The following CA10 variants were observed in gnomAD, a reference collection of about 807,000 sequenced individuals.
CA10 encodes carbonic anhydrase-related protein 10.
A neutral mutation model predicts 44.2 loss-of-function variants in CA10; 14 were observed. That is an observed-to-expected ratio of 0.32 (90% confidence interval 0.21 to 0.50). The LOEUF is 0.50. Among genes scored for constraint, CA10 ranks in the 20% least tolerant of loss-of-function variants. The probability of loss-of-function intolerance (pLI) is 0.99; values close to 1 mark genes in which losing one functional copy is unlikely to be tolerated. For synonymous variants in CA10, 159 were observed against 141.6 expected (o/e 1.12, Z -0.87); for missense variants, 350 against 409.7 (o/e 0.85, Z 1.26).
chr17:51,805,594 A>AT (rs372555403), intron 3 of CA10, among the ~76,000 whole-genome samples: 3 of 152,244 alleles, frequency 2.0e-5, no homozygotes, highest in African/African-American at 7.2e-5. Context: ...CCCCAAGAAC[A>AT]TTTTTAAAAA....
intron 2 of CA10, among the ~76,000 whole-genome samples, chr17:52,040,227 AT>A (rs1252547908): frequency 2.0e-5 from 3 of 151,052 alleles, no homozygotes; most frequent in African/African-American, 7.3e-5. Flanking sequence ...GAGGAAAGAC[AT>A]GGGCTCTCAT....
chr17:52,056,381 G>A (rs930156283), intron 2 of CA10, among the ~76,000 whole-genome samples: 4 of 152,030 alleles, frequency 2.6e-5, no homozygotes, highest in African/African-American at 4.8e-5. Flanking sequence ...AAGCGGGTTG[G>A]TGGGGAGAAA....
At chr17:51,937,595 A>T (rs914863909) in intron 2 of CA10, among the ~76,000 whole-genome samples, 1 of 152,118 alleles carries the variant, frequency 6.6e-6, no homozygotes, top group Non-Finnish European at 1.5e-5. Flanking sequence ...TATTTAACCC[A>T]TAATCATTAA....
At chr17:51,665,662 A>G (rs1337583890) in intron 4 of CA10, among the ~76,000 whole-genome samples, 1 of 152,350 alleles carries the variant, frequency 6.6e-6, no homozygotes, top group East Asian at 1.9e-4. Flanking sequence ...CTAGGCTACA[A>G]ATCTGCACAG....
chr17:51,769,394 T>C (rs767696649), intron 3 of CA10, among the ~76,000 whole-genome samples: 10 of 152,170 alleles, frequency 6.6e-5, no homozygotes, highest in Non-Finnish European at 1.3e-4. Context: ...TACACAATTC[T>C]GTACAAAATG....
chr17:51,906,138 T>A (rs1037689131), intron 3 of CA10, among the ~76,000 whole-genome samples: 2 of 152,128 alleles, frequency 1.3e-5, no homozygotes, highest in Admixed American at 1.3e-4. Context: ...TTAAAATATA[T>A]CCTTATTTTG....
At position 51,946,947 on chromosome 17, in the gene CA10, T is replaced by G. The variant is rs1017298263; in HGVS notation, c.137-15815A>C. Among the ~76,000 whole-genome samples, 9 of 152,202 alleles carry G rather than the reference T, an allele frequency of 5.9e-5. No homozygotes were observed. The East Asian group carries it at 1.7e-3, about 30-fold the overall frequency. On this transcript the variant is annotated intron_variant, in intron 2 of 8. Coordinates refer to ENST00000451037, the MANE Select transcript of CA10 (RefSeq NM_020178.5). ...CAGCTGGACCTTTCTCTTATTCTTG[T>G]TTACTTGCTCTGGCTCTCATATATT...
At chr17:51,640,548 G>A (rs1356991319) in intron 6 of CA10, among the ~76,000 whole-genome samples, 1 of 152,190 alleles carries the variant, frequency 6.6e-6, no homozygotes, top group Non-Finnish European at 1.5e-5. Flanking sequence ...TGCCTCAGAG[G>A]CTGCCATTAA....
chr17:51,936,355 T>C (rs1982864619), intron 2 of CA10, among the ~76,000 whole-genome samples: 1 of 152,072 alleles, frequency 6.6e-6, no homozygotes, highest in South Asian at 2.1e-4. Flanking sequence ...GACAAGACGG[T>C]AATGGATCAT....
At chr17:52,076,314 A>G (rs1987818308) in intron 1 of CA10, among the ~76,000 whole-genome samples, 1 of 152,256 alleles carries the variant, frequency 6.6e-6, no homozygotes, top group Non-Finnish European at 1.5e-5. Context: ...AGAAAGTTGC[A>G]AAACACTTTG....
chr17:51,631,622 A>G lies in CA10; in HGVS notation c.965-16T>C, dbSNP rs768451893. The G allele has an allele frequency of 1.1e-5, 17 of 1,608,748 alleles. No individual in the cohort carries two copies. The highest frequency in any genetic ancestry group is 1.3e-5 in the African/African-American group (1 of 74,340). The stretch of plus-strand genomic sequence containing the variant: ...CATTCATTTACTGCAAAGAGAGAGA[A>G]AGAAAAAAAAAATCACACATACAAC... On this transcript the variant is annotated splice_polypyrimidine_tract_variant and intron_variant, in intron 8 of 8. Coordinates refer to ENST00000451037, the MANE Select transcript of CA10 (RefSeq NM_020178.5).
intron 4 of CA10, among the ~76,000 whole-genome samples, chr17:51,688,835 A>C (rs892156453): frequency 4.6e-5 from 7 of 152,158 alleles, no homozygotes; most frequent in African/African-American, 1.7e-4. Context: ...GTGTATTACA[A>C]TTAGTTACTG....
intron 4 of CA10, among the ~76,000 whole-genome samples, chr17:51,678,836 T>C (rs1230192503): frequency 6.6e-6 from 1 of 152,190 alleles, no homozygotes; most frequent in East Asian, 1.9e-4. Flanking sequence ...TCTGTCTCTC[T>C]CTTTATCTTA....
intron 4 of CA10, among the ~76,000 whole-genome samples, chr17:51,744,786 C>T (rs1020329406): frequency 6.6e-6 from 1 of 152,304 alleles, no homozygotes; most frequent in African/African-American, 2.4e-5. Flanking sequence ...TTATGCTACA[C>T]AGAAGATGCC....
chr17:51,693,431 T>A (rs1915287735), intron 4 of CA10, among the ~76,000 whole-genome samples: 1 of 152,166 alleles, frequency 6.6e-6, no homozygotes, highest in Non-Finnish European at 1.5e-5. Context: ...GGTATGATTG[T>A]TCCCATCACC....
chr17:51,980,790 C>T (rs1405510883), intron 2 of CA10, among the ~76,000 whole-genome samples: 2 of 152,070 alleles, frequency 1.3e-5, no homozygotes, highest in African/African-American at 2.4e-5. Flanking sequence ...TTCCCCATTG[C>T]TTGTTTTTGT....
At chr17:52,009,186 A>C (rs1985703516) in intron 2 of CA10, among the ~76,000 whole-genome samples, 1 of 151,856 alleles carries the variant, frequency 6.6e-6, no homozygotes, top group African/African-American at 2.4e-5. Context: ...TTCAATTTTG[A>C]AAGTTTTTTT....
chr17:52,103,856 A>G (rs2080036671), intron 1 of CA10, among the ~76,000 whole-genome samples: 2 of 152,178 alleles, frequency 1.3e-5, no homozygotes, highest in Non-Finnish European at 2.9e-5. Flanking sequence ...ATGACTTCAC[A>G]CTGGCATGGG....
At chr17:52,097,424 A>G (rs529993629) in intron 1 of CA10, among the ~76,000 whole-genome samples, 1 of 152,330 alleles carries the variant, frequency 6.6e-6, no homozygotes, top group South Asian at 2.1e-4. Flanking sequence ...AGACTGTTTG[A>G]ATAATTCTGG....
Sources: gnomAD v4.1 joint callset for allele counts (sites outside exome capture counted in the v4.1 genomes callset) on GRCh38, gnomAD v4.1.1 for gene constraint, MANE v1.5 for transcripts, NCBI Gene and HGNC (gene_info 2026-07-23, HGNC 2026-07-21) for gene names.